Variants in PLEKHA1 observed in about 807,000 individuals in gnomAD.
PLEKHA1 encodes pleckstrin homology domain-containing family A member 1.
Under a neutral mutation model 52.0 loss-of-function variants are expected in PLEKHA1, and 34 were observed. The observed-to-expected ratio is 0.65, with a 90% CI of 0.50 to 0.87. The LOEUF is 0.87. Ranked by LOEUF, PLEKHA1 falls within the 40% of genes least tolerant of loss-of-function variation. The pLI, the probability that PLEKHA1 is intolerant of heterozygous loss-of-function variation, is 0.00. For synonymous variants in PLEKHA1, 163 were observed against 170.7 expected (o/e 0.95, Z 0.35); for missense variants, 497 against 504.2 (o/e 0.99, Z 0.14).
At position 122,430,117 on chromosome 10, in the gene PLEKHA1, T is replaced by G. The variant is rs1037152135; in HGVS notation, c.*179T>G. 5.5e-5 allele frequency: 37 copies of G among 669,284 alleles called. No homozygotes were observed. The highest frequency in any genetic ancestry group is 7.7e-5 in the Non-Finnish European group (34 of 439,584). The allele number at this position is 669,284 out of a possible 1,614,324, so 41.5% of individuals were successfully genotyped here. On this transcript the variant is annotated 3_prime_UTR_variant, in exon 12 of 12. Coordinates refer to ENST00000368990, the MANE Select transcript of PLEKHA1 (RefSeq NM_001001974.4). ...AGGGAGTGGCCAAACTAAATATAATTTCTTTAAAAAAGAAAGAAAAAGGAA... is the reference window on the plus strand; with the variant it reads ...AGGGAGTGGCCAAACTAAATATAATGTCTTTAAAAAAGAAAGAAAAAGGAA...
At position 122,429,722 on chromosome 10, in the gene PLEKHA1, G is replaced by T. The variant is rs775805095; in HGVS notation, c.999G>T (p.Leu333Phe). 57 of 1,613,902 alleles carry T rather than the reference G, an allele frequency of 3.5e-5. No individual in the cohort carries two copies. Among genetic ancestry groups the T allele is most frequent in the Non-Finnish European group, 4.8e-5 (57 of 1,180,014 alleles). The change falls in exon 12 of 12, where the codon TTG becomes TTT. Residue 333 changes from leucine (L) to phenylalanine (F), a missense_variant. Transcript: ENST00000368990. Reference protein sequence around the residue: ...SHSTASRSNSLVSTFTMEKRG... With the variant: ...SHSTASRSNSFVSTFTMEKRG... Reference sequence around the variant, plus strand: ...CCACAGCCTCTCGCAGCAACTCTTTGGTCTCAACCTTTACCATGGAGAAGC... The same window carrying T: ...CCACAGCCTCTCGCAGCAACTCTTTTGTCTCAACCTTTACCATGGAGAAGC...
downstream of PLEKHA1, chr10:122,437,352 G>A (rs544868881): frequency 1.3e-5 from 2 of 152,284 alleles, no homozygotes; most frequent in African/African-American, 4.8e-5. Context: ...GAGCAGGTTT[G>A]ATGGAAAAGA....
chr10:122,434,199 T>C (rs1249073499), downstream of PLEKHA1: 1 of 152,242 alleles, frequency 6.6e-6, no homozygotes, highest in Non-Finnish European at 1.5e-5. Flanking sequence ...GCTCCAAATA[T>C]GTAGCTGTGT....
Position 122,424,932 on chromosome 10 carries a change from A to G in PLEKHA1, c.783A>G (p.Val261=). ...IMMRDNLFEI[V]TTSRTFYVQA... ...TGAGGGACAACCTCTTTGAAATTGT[A>G]ACAACGTCTCGAACTTTCTATGTGC... The change falls in exon 10 of 12, where the codon GTA becomes GTG. Residue 261 remains valine, a synonymous_variant. Coordinates refer to ENST00000368990, the MANE Select transcript of PLEKHA1 (RefSeq NM_001001974.4). 1 of 1,610,668 alleles carries G rather than the reference A, an allele frequency of 6.2e-7. No individual in the cohort carries two copies. The highest frequency in any genetic ancestry group is 8.5e-7 in the Non-Finnish European group (1 of 1,178,318).
the PLEKHA1 span, chr10:122,442,589 C>T: frequency 1.3e-5 from 2 of 152,068 alleles, no homozygotes; most frequent in East Asian, 3.9e-4. Flanking sequence ...ACAATAAAAG[C>T]AAAAATCACC....
chr10:122,403,699 C>T (rs1322364971), intron 4 of PLEKHA1, among the ~76,000 whole-genome samples: 2 of 150,676 alleles, frequency 1.3e-5, no homozygotes, highest in African/African-American at 2.4e-5. Flanking sequence ...TTGCTTTCCC[C>T]TTTTTTTTTC....
chr10:122,421,138 A>G (rs144387888), intron 8 of PLEKHA1: 1 of 7,064 alleles, frequency 1.4e-4, no homozygotes, highest in East Asian at 4.3e-3. Context: ...CCTGGCAGAT[A>G]CCACTTTACT....
At chr10:122,438,847 C>T in the PLEKHA1 span, 42 of 149,356 alleles carry the variant, frequency 2.8e-4, 1 homozygote, top group African/African-American at 9.9e-4. Flanking sequence ...AATACACTAA[C>T]ATTAATGATA....
intron 1 of PLEKHA1, chr10:122,386,692 A>G (rs1485360243): frequency 2.3e-4 from 35 of 152,214 alleles, no homozygotes; most frequent in Admixed American, 2.3e-3. Context: ...TGTTGAAAAG[A>G]CTGTCCTTTC....
chr10:122,394,136 A>G (rs574184932), intron 2 of PLEKHA1, among the ~76,000 whole-genome samples: 1 of 127,224 alleles, frequency 7.9e-6, no homozygotes, highest in East Asian at 2.4e-4. Flanking sequence ...ATGCAGCGGT[A>G]TGATTTTGAC....
chr10:122,387,466 TAA>T (rs1196311979), intron 1 of PLEKHA1: 1 of 152,220 alleles, frequency 6.6e-6, no homozygotes, highest in African/African-American at 2.4e-5. Flanking sequence ...TCTATAGCAC[TAA>T]AAACCAATGA....
At position 122,426,995 on chromosome 10, in the gene PLEKHA1, T is replaced by G; in HGVS notation, c.864T>G (p.Ile288Met). 1 of 1,614,112 alleles carries G rather than the reference T, an allele frequency of 6.2e-7. No individual in the cohort carries two copies. Among genetic ancestry groups the G allele is most frequent in the Non-Finnish European group, 8.5e-7 (1 of 1,179,980 alleles). ...GGATTAAAGCAGTCTCTGGCGCCAT[T>G]GTAGCACAGCGGGGTCCCGGCAGAT... ...HSWIKAVSGA[I>M]VAQRGPGRSA... The change falls in exon 11 of 12, where the codon ATT (isoleucine) becomes ATG (methionine). Residue 288 changes from isoleucine to methionine, a missense_variant. By Grantham distance (10) the Ile-to-Met change is conservative. Transcript: ENST00000368990.
chr10:122,435,896 AAAAAG>A (rs1170966303), downstream of PLEKHA1: 21 of 152,126 alleles, frequency 1.4e-4, no homozygotes, highest in Admixed American at 3.3e-4. Flanking sequence ...TCAAAAAAAA[AAAAAG>A]AAAAGAAAAA....
Position 122,393,154 on chromosome 10 carries a change from C to G in PLEKHA1, c.-20-27C>G, listed in dbSNP as rs751421870. On this transcript the variant is annotated intron_variant, in intron 1 of 11. Coordinates refer to ENST00000368990, the MANE Select transcript of PLEKHA1 (RefSeq NM_001001974.4). The surrounding 1 kb of genome is among the most constrained non-coding windows in gnomAD (Gnocchi z 4.5). ...AAATACTTTCCTGTTTCATAGGGAG[C>G]TTACTGTTAATATTTTTATTTTACA... 3 of 1,538,942 alleles carry G rather than the reference C, an allele frequency of 1.9e-6. No homozygotes were observed. The highest frequency in any genetic ancestry group is 1.3e-5 in the South Asian group (1 of 76,614).
chr10:122,437,543 A>G, the PLEKHA1 span: 1 of 152,250 alleles, frequency 6.6e-6, no homozygotes, highest in Admixed American at 6.5e-5. Flanking sequence ...AAACTGGATG[A>G]GATCATCTTT....
chr10:122,429,875 T>A lies in PLEKHA1; in HGVS notation c.1152T>A (p.Pro384=). 1 of 1,614,136 alleles carries A rather than the reference T, an allele frequency of 6.2e-7. No individual in the cohort carries two copies. The highest frequency in any genetic ancestry group is 1.1e-5 in the South Asian group (1 of 91,080). The change falls in exon 12 of 12, where the codon CCT becomes CCA. Residue 384 remains proline (P), a synonymous_variant. Transcript: ENST00000368990. The part of the protein sequence containing the change: ...ALLRPQSKNG[P]QEKDCDLVDL... ...TAAGACCTCAAAGTAAAAATGGCCC[T>A]CAGGAAAAAGATTGTGACCTAGTAG...
chr10:122,425,453 T>C (rs1207198359), intron 10 of PLEKHA1: 1 of 152,344 alleles, frequency 6.6e-6, no homozygotes, highest in Non-Finnish European at 1.5e-5. Context: ...CTGTGTTGGC[T>C]CACACCTGTA....
chr10:122,432,948 G>A (rs2097425217), downstream of PLEKHA1: 2 of 152,200 alleles, frequency 1.3e-5, no homozygotes, highest in Non-Finnish European at 2.9e-5. Context: ...TTAGAGAAAA[G>A]TGTATACCTA....
intron 11 of PLEKHA1, chr10:122,428,403 T>TA (rs1289779858): frequency 6.7e-7 from 1 of 1,497,470 alleles, no homozygotes. Flanking sequence ...ACTTACTACT[T>TA]ACAACTGATC....
Sources: allele counts gnomAD v4.1 joint callset (sites outside exome capture counted in the v4.1 genomes callset), GRCh38; gene constraint gnomAD v4.1.1; non-coding constraint Gnocchi (gnomAD v3.1); transcripts MANE v1.5; gene names NCBI Gene and HGNC (gene_info 2026-07-23, HGNC 2026-07-21).